CSMD1: variants seen among roughly 807,000 people sequenced by gnomAD.
CSMD1 encodes the protein CUB and Sushi multiple domains 1.
CSMD1 carries 213 observed loss-of-function variants against 417.5 expected under a neutral mutation model. The ratio of observed to expected loss-of-function variants is 0.51; its 90% CI spans 0.46 to 0.57. CSMD1 has a LOEUF of 0.57. Ranked by LOEUF, CSMD1 falls within the 20% of genes least tolerant of loss-of-function variation. The pLI, the probability that CSMD1 is intolerant of heterozygous loss-of-function variation, is 0.00. For missense variants in CSMD1, 6,923 were observed against 4,529.7 expected (o/e 1.53, Z -15.17); for synonymous variants, 2,862 against 1,736.8 (o/e 1.65, Z -16.11).
At chr8:4,616,473 A>G (rs1373775666) in intron 2 of CSMD1, among the ~76,000 whole-genome samples, 1 of 152,316 alleles carries the variant, frequency 6.6e-6, no homozygotes, top group African/African-American at 2.4e-5. Flanking sequence ...AAAGCTGGTT[A>G]TAAATTATAT....
At chr8:4,024,926 G>C (rs918241914) in intron 4 of CSMD1, among the ~76,000 whole-genome samples, 5 of 150,084 alleles carry the variant, frequency 3.3e-5, no homozygotes, top group African/African-American at 4.9e-5. Context: ...TAAAAAGGTG[G>C]TGTTCAGGTG....
At chr8:4,742,577 A>G (rs1810692712) in intron 1 of CSMD1, among the ~76,000 whole-genome samples, 1 of 151,994 alleles carries the variant, frequency 6.6e-6, no homozygotes, top group Admixed American at 6.6e-5. Context: ...ATGTTTTTTT[A>G]TTTAGCCATT....
intron 2 of CSMD1, among the ~76,000 whole-genome samples, chr8:4,540,316 T>G (rs1797317337): frequency 6.6e-6 from 1 of 152,108 alleles, no homozygotes; most frequent in Non-Finnish European, 1.5e-5. Flanking sequence ...AAATCACCAC[T>G]AAAAAACTTT....
chr8:3,804,525 G>A lies in CSMD1; in HGVS notation c.819-50483C>T, dbSNP rs556564806. Among the ~76,000 whole-genome samples, 573 of 152,126 alleles carry A rather than the reference G, an allele frequency of 3.8e-3. 2 individuals are homozygous for A. The highest frequency in any genetic ancestry group is 6.5e-3 in the Non-Finnish European group (441 of 68,012). ...ATTTTAATAGCTATAAAACATTTAC[G>A]CATCATGTTGCTATAAATGAGATTA... On this transcript the variant is annotated intron_variant, in intron 5 of 69. Transcript: ENST00000635120.
At chr8:4,473,931 T>G (rs1261081592) in intron 2 of CSMD1, among the ~76,000 whole-genome samples, 1 of 152,096 alleles carries the variant, frequency 6.6e-6, no homozygotes, top group East Asian at 1.9e-4. Flanking sequence ...TAAATAATAT[T>G]AAAGCAAATG....
intron 49 of CSMD1, among the ~76,000 whole-genome samples, chr8:3,055,802 T>G (rs1812176258): frequency 6.6e-6 from 1 of 152,198 alleles, no homozygotes; most frequent in African/African-American, 2.4e-5. Context: ...AGCACAGGCC[T>G]CAAACTCAGA....
chr8:3,172,817 A>T (rs916442983), intron 37 of CSMD1, among the ~76,000 whole-genome samples: 3 of 152,200 alleles, frequency 2.0e-5, no homozygotes, highest in African/African-American at 7.2e-5. Flanking sequence ...TTTCCATTGA[A>T]ACCCTTTCCC....
intron 26 of CSMD1, among the ~76,000 whole-genome samples, chr8:3,233,080 G>A (rs1371011366): frequency 2.4e-5 from 3 of 126,196 alleles, no homozygotes; most frequent in South Asian, 2.9e-4. Flanking sequence ...TGCTTATTAT[G>A]TTTTCTTTTC....
chr8:3,908,032 A>G lies in CSMD1; in HGVS notation c.818+89871T>C, dbSNP rs1480011532. Among the ~76,000 whole-genome samples, 3 of 152,108 alleles carry G rather than the reference A, an allele frequency of 2.0e-5. No homozygotes were observed. In the South Asian group the frequency reaches 6.2e-4, roughly 32 times the overall value. On this transcript the variant is annotated intron_variant, in intron 5 of 69. Transcript: ENST00000635120. ...TTCCTCTTTCTACCAGGAGGACTCC[A>G]TAGGTATTTGACCCCAAAGTCTGAC... is the stretch of plus-strand genomic sequence containing the variant.
At chr8:3,214,082 G>T (rs554710642) in intron 30 of CSMD1, among the ~76,000 whole-genome samples, 1 of 151,932 alleles carries the variant, frequency 6.6e-6, no homozygotes, top group Non-Finnish European at 1.5e-5. Context: ...CTAACCTCGC[G>T]ATCCACTCGC....
chr8:3,307,747 T>C lies in CSMD1; in HGVS notation c.3898A>G (p.Asn1300Asp). The change falls in exon 25 of 70, where the codon AAC (asparagine) becomes GAC (aspartate). Residue 1300 changes from asparagine (N) to aspartate (D), a missense_variant. Asn to Asp is a conservative substitution (Grantham distance 23). Coordinates refer to ENST00000635120, the MANE Select transcript of CSMD1 (RefSeq NM_033225.6). ...ATAATCCAGGTGCAGTGGAGGTTGT[T>C]GTCATACGGAGCTGGATAGCCAGGG... ...LSPGYPAPYD[N>D]NLHCTWIIEA... 1.2e-6 allele frequency: 2 copies of C among 1,613,786 alleles called. No homozygotes were observed. The highest frequency in any genetic ancestry group is 1.7e-6 in the Non-Finnish European group (2 of 1,179,726).
intron 5 of CSMD1, among the ~76,000 whole-genome samples, chr8:3,921,002 T>C (rs977920048): frequency 4.5e-4 from 68 of 152,314 alleles, no homozygotes; most frequent in African/African-American, 1.4e-3. Flanking sequence ...TTTGAAAATG[T>C]TTCCTCTTCT....
At chr8:4,881,942 C>G (rs1803430202) in intron 1 of CSMD1, among the ~76,000 whole-genome samples, 1 of 151,924 alleles carries the variant, frequency 6.6e-6, no homozygotes, top group South Asian at 2.1e-4. Flanking sequence ...CAGGGAGAAT[C>G]AGCTTCATGC....
chr8:4,612,938 G>A (rs933389541), intron 2 of CSMD1, among the ~76,000 whole-genome samples: 2 of 152,172 alleles, frequency 1.3e-5, no homozygotes, highest in Admixed American at 6.5e-5. Context: ...ATTATGGGAA[G>A]AGCTGATGCT....
At chr8:3,664,913 T>A (rs1258513432) in intron 7 of CSMD1, among the ~76,000 whole-genome samples, 1 of 152,150 alleles carries the variant, frequency 6.6e-6, no homozygotes, top group African/African-American at 2.4e-5. Context: ...CATCACAATT[T>A]CTCAGGGTTT....
chr8:4,304,353 C>T (rs1237212804), intron 3 of CSMD1, among the ~76,000 whole-genome samples: 1 of 151,994 alleles, frequency 6.6e-6, no homozygotes, highest in Non-Finnish European at 1.5e-5. Flanking sequence ...TAGATACATT[C>T]CATTTGATTA....
At chr8:4,917,804 T>C (rs1054163331) in intron 1 of CSMD1, among the ~76,000 whole-genome samples, 15 of 152,090 alleles carry the variant, frequency 9.9e-5, no homozygotes, top group African/African-American at 2.4e-4. Flanking sequence ...TGTTGCAAGA[T>C]AGGAACAGAG....
intron 3 of CSMD1, among the ~76,000 whole-genome samples, chr8:4,331,898 G>T (rs10100222): frequency 1 from 152,312 of 152,312 alleles, 76,156 homozygotes; most frequent in Non-Finnish European, 1. Context: ...GTTTAACTAT[G>T]GAAAAGCCCA....
At chr8:4,813,241 CA>C (rs1375026177) in intron 1 of CSMD1, among the ~76,000 whole-genome samples, 23 of 152,044 alleles carry the variant, frequency 1.5e-4, no homozygotes, top group African/African-American at 5.6e-4. Context: ...TTAGAAAAAT[CA>C]AACATGAAAT....
Sources: allele counts gnomAD v4.1 joint callset (sites outside exome capture counted in the v4.1 genomes callset), GRCh38; gene constraint gnomAD v4.1.1; transcripts MANE v1.5; gene names NCBI Gene and HGNC (gene_info 2026-07-23, HGNC 2026-07-21).